The following ALKBH8 variants were observed in gnomAD, a reference collection of about 807,000 sequenced individuals.
ALKBH8 encodes tRNA (carboxymethyluridine(34)-5-O)-methyltransferase ALKBH8.
A neutral mutation model predicts 59.8 loss-of-function variants in ALKBH8; 36 were observed. The ratio of observed to expected loss-of-function variants is 0.60; its 90% CI spans 0.46 to 0.79. ALKBH8 has a LOEUF of 0.79. ALKBH8 is among the 30% of genes least tolerant of loss of function. The pLI is 0.00. For synonymous variants in ALKBH8, 276 were observed against 273.6 expected, an observed-to-expected ratio of 1.01 and a Z score of -0.09; for missense variants, 768 against 801.0, an observed-to-expected ratio of 0.96 and a Z score of 0.50.
chr11:107,537,085 A>G (rs1361329781), intron 7 of ALKBH8, among the ~76,000 whole-genome samples: 2 of 152,242 alleles, frequency 1.3e-5, no homozygotes, highest in Non-Finnish European at 2.9e-5. Flanking sequence ...CAGACTCCTG[A>G]AAATTCATAA....
chr11:107,530,600 A>C (rs1194229723), intron 8 of ALKBH8, among the ~76,000 whole-genome samples: 5 of 132,102 alleles, frequency 3.8e-5, no homozygotes, highest in Admixed American at 1.5e-4. Context: ...CTCTCTTCCT[A>C]ACACACACAC....
intron 4 of ALKBH8, 64 bp downstream of exon 4, chr11:107,553,783 C>T (rs1206853611): frequency 2.0e-6 from 3 of 1,526,630 alleles, no homozygotes; most frequent in South Asian, 1.2e-5. Flanking sequence ...CCATGAAAGA[C>T]AGAGGAAAGG....
chr11:107,504,630 T>G lies in ALKBH8; in HGVS notation c.*28A>C. ...TTTTTTTTTAAGTGAGCATTTCTTC[T>G]TTATATATGATGTGTTCAGGTAAAT... is the stretch of plus-strand genomic sequence containing the variant. On this transcript the variant is annotated 3_prime_UTR_variant, in exon 12 of 12. Coordinates refer to ENST00000428149, the MANE Select transcript of ALKBH8 (RefSeq NM_138775.3). The G allele has an allele frequency of 2.0e-6, 3 of 1,536,278 alleles. No homozygotes were observed. Among genetic ancestry groups the G allele is most frequent in the South Asian group, 1.2e-5 (1 of 81,250 alleles).
intron 10 of ALKBH8, among the ~76,000 whole-genome samples, chr11:107,520,766 A>G (rs74845815): frequency 0.018 from 2,720 of 152,304 alleles, 96 homozygotes; most frequent in African/African-American, 0.062. Flanking sequence ...TATCTTGATG[A>G]AAGGCTATTC....
At chr11:107,514,046 A>G (rs752564191) in intron 10 of ALKBH8, among the ~76,000 whole-genome samples, 9 of 152,110 alleles carry the variant, frequency 5.9e-5, no homozygotes, top group Admixed American at 3.9e-4. Context: ...ACCTAAAATA[A>G]AAGTTAAAAA....
intron 10 of ALKBH8, among the ~76,000 whole-genome samples, chr11:107,518,040 C>T (rs1862940078): frequency 6.6e-6 from 1 of 151,430 alleles, no homozygotes; most frequent in African/African-American, 2.4e-5. Flanking sequence ...TTTCATCTGT[C>T]CTGTAAAGAC....
At chr11:107,524,756 A>T (rs1285141774) in intron 9 of ALKBH8, among the ~76,000 whole-genome samples, 2 of 152,190 alleles carry the variant, frequency 1.3e-5, no homozygotes, top group Non-Finnish European at 2.9e-5. Flanking sequence ...TTTCAAGATT[A>T]TGACTAAATC....
rs776068750 is a variant in ALKBH8, at chr11:107,532,418, G to A, written c.772-12C>T. The A allele has an allele frequency of 6.2e-7, 1 of 1,603,324 alleles. No homozygotes were observed. Among genetic ancestry groups the A allele is most frequent in the South Asian group, 1.1e-5 (1 of 90,756 alleles). ...AAATCCATGACAATCTTGAAGCAAAGATAAAAGCATAAAGATCAATCCAAA... is the reference window on the plus strand; with the variant it reads ...AAATCCATGACAATCTTGAAGCAAAAATAAAAGCATAAAGATCAATCCAAA... On this transcript the variant is annotated splice_polypyrimidine_tract_variant and intron_variant, in intron 7 of 11. Transcript: ENST00000428149.
At chr11:107,515,328 T>C (rs1006377589) in intron 10 of ALKBH8, among the ~76,000 whole-genome samples, 2 of 152,184 alleles carry the variant, frequency 1.3e-5, no homozygotes, top group African/African-American at 4.8e-5. Flanking sequence ...TGAAGATCAA[T>C]GACATTAAAA....
intron 8 of ALKBH8, among the ~76,000 whole-genome samples, chr11:107,529,071 T>C (rs1300693336): frequency 1.3e-5 from 2 of 152,182 alleles, no homozygotes; most frequent in Non-Finnish European, 2.9e-5. Flanking sequence ...TTAGCCATAA[T>C]ATCATTGGTA....
chr11:107,549,768 G>T lies in ALKBH8; in HGVS notation c.756C>A (p.Leu252=). 1 of 1,549,390 alleles carries T rather than the reference G, an allele frequency of 6.5e-7. No individual in the cohort carries two copies. The highest frequency in any genetic ancestry group is 8.7e-7 in the Non-Finnish European group (1 of 1,145,058). ...GACCATTTACCTCTGACCCCAAACTGAGAGAAACGATCTCATCCTCAAAAG... is the reference window on the plus strand; with the variant it reads ...GACCATTTACCTCTGACCCCAAACTTAGAGAAACGATCTCATCCTCAAAAG... ...HSAFEDEIVS[L]SLGSEIVMDF... Residue 252 remains leucine, a synonymous_variant, in exon 7 of 12, where the codon CTC becomes CTA. Coordinates refer to ENST00000428149, the MANE Select transcript of ALKBH8 (RefSeq NM_138775.3).
chr11:107,554,774 G>A (rs1864636883), intron 3 of ALKBH8, among the ~76,000 whole-genome samples: 1 of 152,154 alleles, frequency 6.6e-6, no homozygotes. Flanking sequence ...TGCCTACTAT[G>A]TGCCAGACAT....
chr11:107,525,025 T>C (rs1379391711), intron 9 of ALKBH8, among the ~76,000 whole-genome samples: 1 of 152,242 alleles, frequency 6.6e-6, no homozygotes, highest in Non-Finnish European at 1.5e-5. Flanking sequence ...CCTAGAGTTA[T>C]GTACTATAGA....
intron 8 of ALKBH8, among the ~76,000 whole-genome samples, chr11:107,530,523 C>G (rs1863541805): frequency 6.6e-6 from 1 of 151,690 alleles, no homozygotes; most frequent in South Asian, 2.1e-4. Context: ...ATCTCTCTCT[C>G]TCTCTCTTTC....
Position 107,551,824 on chromosome 11 carries a change from C to T in ALKBH8, c.684G>A (p.Gln228=), listed in dbSNP as rs1451728744. 6.5e-7 allele frequency: 1 copy of T among 1,540,498 alleles called. No homozygotes were observed. The highest frequency in any genetic ancestry group is 8.7e-7 in the Non-Finnish European group (1 of 1,151,154). The change falls in exon 6 of 12, where the codon CAG becomes CAA. Residue 228 remains glutamine (Q), a synonymous_variant. Transcript: ENST00000428149. ...KHKPDQMTIN[Q]YEPGQGIPAH... ...AATACTCACCTTGCCCAGGTTCATA[C>T]TGATTTATGGTCATTTGATCAGGTT...
At chr11:107,563,079 G>A (rs1438305283) in intron 1 of ALKBH8, among the ~76,000 whole-genome samples, 3 of 152,100 alleles carry the variant, frequency 2.0e-5, no homozygotes, top group Non-Finnish European at 4.4e-5. Flanking sequence ...TAATGTTTAA[G>A]GTATTGTGAG....
At chr11:107,541,543 A>G (rs149221435) in intron 7 of ALKBH8, among the ~76,000 whole-genome samples, 587 of 152,300 alleles carry the variant, frequency 3.9e-3, no homozygotes, top group Non-Finnish European at 6.0e-3. Context: ...ATTAATTTCT[A>G]TTTATTCTTT....
At position 107,549,831 on chromosome 11, in the gene ALKBH8, G is replaced by A; in HGVS notation, c.701-8C>T. On this transcript the variant is annotated splice_region_variant and splice_polypyrimidine_tract_variant and intron_variant, in intron 6 of 11. Coordinates refer to ENST00000428149, the MANE Select transcript of ALKBH8 (RefSeq NM_138775.3). ...CAATATGAGCGGGAATTCCTGAGAT[G>A]GAAAACAGGACAACACGTCACTTCA... is the stretch of plus-strand genomic sequence containing the variant. The A allele has an allele frequency of 3.3e-6, 5 of 1,535,332 alleles. No individual in the cohort carries two copies. The South Asian group carries it at 6.0e-5, about 18-fold the overall frequency.
chr11:107,522,608 G>T, intron 9 of ALKBH8, 53 bp from the exon 10 acceptor site: 2 of 1,478,500 alleles, frequency 1.4e-6, no homozygotes, highest in Non-Finnish European at 9.0e-7. Context: ...AACTCATAAG[G>T]TATCAAGTTT....
Sources: gnomAD v4.1 joint callset for allele counts (sites outside exome capture counted in the v4.1 genomes callset) on GRCh38, gnomAD v4.1.1 for gene constraint, MANE v1.5 for transcripts, NCBI Gene and HGNC (gene_info 2026-07-23, HGNC 2026-07-21) for gene names.